The following GRM1 variants were observed in gnomAD, a reference collection of about 807,000 sequenced individuals.
The protein encoded by GRM1 is glutamate metabotropic receptor 1, also known as metabotropic glutamate receptor 1.
A neutral mutation model predicts 90.9 loss-of-function variants in GRM1; 33 were observed. That is an observed-to-expected ratio of 0.36 (90% CI 0.28 to 0.49). The LOEUF (loss-of-function observed/expected upper bound fraction) is 0.49, where lower values mean the gene tolerates loss of function less well. Ranked by LOEUF, GRM1 falls within the 20% of genes least tolerant of loss-of-function variation. The pLI, the probability that GRM1 is intolerant of heterozygous loss-of-function variation, is 0.99. For missense variants in GRM1, 1,190 were observed against 1,534.3 expected (o/e 0.78, Z 3.75); for synonymous variants, 700 against 613.2 (o/e 1.14, Z -2.09).
At chr6:146,148,107 T>C (rs918676936) in intron 1 of GRM1, among the ~76,000 whole-genome samples, 1 of 152,120 alleles carries the variant, frequency 6.6e-6, no homozygotes, top group African/African-American at 2.4e-5. Context: ...GGAAGAAAAA[T>C]TGTTATGTGG....
intron 7 of GRM1, among the ~76,000 whole-genome samples, chr6:146,420,417 G>A (rs75061005): frequency 0.016 from 2,403 of 152,308 alleles, 82 homozygotes; most frequent in African/African-American, 0.055. Flanking sequence ...TGAAAGTCCC[G>A]AAGGGATATG....
At chr6:146,270,912 T>TCTTCCTTCCTTCCTTC (rs35931210) in intron 2 of GRM1, among the ~76,000 whole-genome samples, 7 of 86,808 alleles carry the variant, frequency 8.1e-5, no homozygotes, top group African/African-American at 4.0e-4. Flanking sequence ...TTTCTTTCTT[T>TCTTCCTTCCTTCCTTC]CTTCCTTCCT....
intron 1 of GRM1, among the ~76,000 whole-genome samples, chr6:146,036,541 TG>T (rs1385692886): frequency 1.3e-5 from 2 of 151,960 alleles, no homozygotes; most frequent in African/African-American, 4.8e-5. Context: ...TTAACTTACA[TG>T]AGAAATTATA....
chr6:146,065,314 T>C (rs1256575269), intron 1 of GRM1, among the ~76,000 whole-genome samples: 1 of 152,200 alleles, frequency 6.6e-6, no homozygotes, highest in African/African-American at 2.4e-5. Flanking sequence ...GTACTCAGTG[T>C]CTCAAAACCA....
intron 1 of GRM1, among the ~76,000 whole-genome samples, chr6:146,075,035 G>A (rs568300922): frequency 6.6e-6 from 1 of 152,252 alleles, no homozygotes; most frequent in Non-Finnish European, 1.5e-5. Flanking sequence ...ATTTTCCAGA[G>A]TTCATATGCT....
intron 1 of GRM1, among the ~76,000 whole-genome samples, chr6:146,122,839 C>CTTTTTTTTT (rs57859188): frequency 4.3e-3 from 267 of 62,166 alleles, no homozygotes; most frequent in Non-Finnish European, 5.3e-3. Flanking sequence ...TCTTTTCTTT[C>CTTTTTTTTT]TTTTTTTTTT....
intron 3 of GRM1, among the ~76,000 whole-genome samples, chr6:146,317,700 C>G (rs1329133245): frequency 1.3e-5 from 2 of 152,206 alleles, no homozygotes; most frequent in African/African-American, 2.4e-5. Context: ...AACTATAGAA[C>G]AGCTTCTATC....
At chr6:146,319,326 A>G (rs146738811) in intron 3 of GRM1, among the ~76,000 whole-genome samples, 1 of 152,154 alleles carries the variant, frequency 6.6e-6, no homozygotes, top group Admixed American at 6.5e-5. Flanking sequence ...CCATTGGTTA[A>G]TATATATGTT....
At chr6:146,155,379 G>A (rs1777487563) in intron 1 of GRM1, among the ~76,000 whole-genome samples, 1 of 152,132 alleles carries the variant, frequency 6.6e-6, no homozygotes. Flanking sequence ...TAGCCTAGAA[G>A]CAATAGGCTA....
intron 5 of GRM1, among the ~76,000 whole-genome samples, chr6:146,377,159 A>G (rs1010549153): frequency 3.3e-5 from 5 of 152,084 alleles, no homozygotes; most frequent in Non-Finnish European, 5.9e-5. Flanking sequence ...ATGAGAGCAG[A>G]CGAATACAGT....
chr6:146,197,611 AG>A (rs2114604225), intron 2 of GRM1, among the ~76,000 whole-genome samples: 1 of 152,364 alleles, frequency 6.6e-6, no homozygotes, highest in Non-Finnish European at 1.5e-5. Flanking sequence ...TGGGATGTCC[AG>A]ACAACCCAGA....
At chr6:146,282,041 T>C (rs1562579708) in intron 2 of GRM1, among the ~76,000 whole-genome samples, 1 of 152,172 alleles carries the variant, frequency 6.6e-6, no homozygotes, top group Non-Finnish European at 1.5e-5. Context: ...TTGGGAATCA[T>C]AAACAAGAAA....
At chr6:146,215,879 C>T (rs1234194881) in intron 2 of GRM1, among the ~76,000 whole-genome samples, 1 of 151,990 alleles carries the variant, frequency 6.6e-6, no homozygotes, top group Non-Finnish European at 1.5e-5. Flanking sequence ...GCCTCAGCCT[C>T]CTGAGTAGCT....
At chr6:146,266,605 C>T (rs1161281663) in intron 2 of GRM1, among the ~76,000 whole-genome samples, 2 of 152,230 alleles carry the variant, frequency 1.3e-5, no homozygotes, top group African/African-American at 4.8e-5. Context: ...TTATCTCCAA[C>T]CACACTCCCG....
intron 2 of GRM1, among the ~76,000 whole-genome samples, chr6:146,260,793 A>C (rs1583236397): frequency 3.7e-5 from 1 of 26,966 alleles, no homozygotes; most frequent in African/African-American, 1.1e-4. Context: ...TTTTTTAATT[A>C]GGTTATTTGG....
In GRM1 at chr6:146,399,247, C is replaced by T. The variant is rs1272194165; in HGVS notation, c.2208C>T (p.Tyr736=). 1 of 1,614,018 alleles carries T rather than the reference C, an allele frequency of 6.2e-7. No individual in the cohort carries two copies. The highest frequency in any genetic ancestry group is 1.1e-5 in the South Asian group (1 of 91,076). Residue 736 remains tyrosine (Y), a synonymous_variant, in exon 7 of 8, where the codon TAC becomes TAT. Transcript: ENST00000282753. The surrounding 1 kb of genome is among the most constrained non-coding windows in gnomAD (Gnocchi z 5.4). ...AACCCCCTATGCCCATTCTGTCCTACCCAAGTATCAAGGAAGTCTACCTTA... is the reference window on the plus strand; with the variant it reads ...AACCCCCTATGCCCATTCTGTCCTATCCAAGTATCAAGGAAGTCTACCTTA... ...IMEPPMPILS[Y]PSIKEVYLIC...
chr6:146,424,419 G>C (rs1169697321), intron 7 of GRM1, among the ~76,000 whole-genome samples: 3 of 152,192 alleles, frequency 2.0e-5, no homozygotes, highest in African/African-American at 7.2e-5. Flanking sequence ...GGGACCCAGG[G>C]GACAAGAGTC....
At chr6:146,219,014 G>T (rs1276349644) in intron 2 of GRM1, among the ~76,000 whole-genome samples, 1 of 152,066 alleles carries the variant, frequency 6.6e-6, no homozygotes, top group Non-Finnish European at 1.5e-5. Flanking sequence ...TTATGTTTTA[G>T]AAATGATTTT....
rs758128029 is a variant in GRM1 at position 146,029,488 on chromosome 6, T to C, written c.-30T>C. The C allele has an allele frequency of 5.8e-6, 9 of 1,562,162 alleles. No individual in the cohort carries two copies. The highest frequency in any genetic ancestry group is 3.3e-5 in the Admixed American group (2 of 59,952). On this transcript the variant is annotated 5_prime_UTR_variant, in exon 1 of 8. Transcript: ENST00000282753. ...AGCGGGACCAGCGTGGGAACGCGGCTGGCAGGCTGTGGACCTCGTCCTCAC... is the reference window on the plus strand; with the variant it reads ...AGCGGGACCAGCGTGGGAACGCGGCCGGCAGGCTGTGGACCTCGTCCTCAC...
Sources: gnomAD v4.1 joint callset for allele counts (sites outside exome capture counted in the v4.1 genomes callset) on GRCh38, gnomAD v4.1.1 for gene constraint, Gnocchi (gnomAD v3.1) non-coding constraint, MANE v1.5 for transcripts, NCBI Gene and HGNC (gene_info 2026-07-23, HGNC 2026-07-21) for gene names.